DERA: variants seen among roughly 807,000 people sequenced by gnomAD.
DERA encodes deoxyribose-phosphate aldolase.
Under a neutral mutation model 41.1 loss-of-function variants are expected in DERA, and 15 were observed. The ratio of observed to expected loss-of-function variants is 0.37; its 90% CI spans 0.24 to 0.56. The LOEUF (loss-of-function observed/expected upper bound fraction) is 0.56. Ranked by LOEUF, DERA falls within the 20% of genes least tolerant of loss-of-function variation. The pLI is 0.81. For missense variants in DERA, 396 were observed against 403.4 expected (o/e 0.98, Z 0.16); for synonymous variants, 139 against 137.4 (o/e 1.01, Z -0.08).
At chr12:16,006,025 T>G (rs1948908139) in intron 6 of DERA, among the ~76,000 whole-genome samples, 1 of 152,250 alleles carries the variant, frequency 6.6e-6, no homozygotes, top group Admixed American at 6.5e-5. Context: ...TCCTTACACT[T>G]TCATTTAAGC....
intron 4 of DERA, among the ~76,000 whole-genome samples, chr12:15,962,478 A>G (rs1948594243): frequency 6.6e-6 from 1 of 152,244 alleles, no homozygotes; most frequent in Non-Finnish European, 1.5e-5. Flanking sequence ...GGCTACCACT[A>G]CTATTTTATG....
At position 16,010,949 on chromosome 12, in the gene DERA, C is replaced by T. The variant is rs1372926728; in HGVS notation, c.638-21593C>T. 1.3e-5 allele frequency among the ~76,000 whole-genome samples: 2 copies of T among 151,912 alleles called. No individual in the cohort carries two copies. Among genetic ancestry groups the T allele is most frequent in the Admixed American group, 6.6e-5 (1 of 15,264 alleles). On this transcript the variant is annotated intron_variant, in intron 6 of 8. Coordinates refer to ENST00000428559, the MANE Select transcript of DERA (RefSeq NM_015954.4). The surrounding 1 kb of genome is among the most constrained non-coding windows in gnomAD (Gnocchi z 5.5). ...CATTGAGGTATGATAATCTCAAATA[C>T]GTTCTGCATTGTTTTTAAAAGCTTT...
At chr12:15,917,751 G>T (rs1187688135) in intron 1 of DERA, among the ~76,000 whole-genome samples, 12 of 152,178 alleles carry the variant, frequency 7.9e-5, no homozygotes, top group Admixed American at 7.9e-4. Flanking sequence ...ACAGACTGGG[G>T]TAGGGGTGGG....
chr12:15,957,832 CT>C lies in DERA; in HGVS notation c.130-354del, dbSNP rs1565595623. Among the ~76,000 whole-genome samples the C allele has an allele frequency of 6.6e-6, 1 of 152,048 alleles. No homozygotes were observed. The highest frequency in any genetic ancestry group is 1.9e-4 in the East Asian group (1 of 5,192). On this transcript the variant is annotated intron_variant, in intron 2 of 8. Transcript: ENST00000428559. This position sits in a 1 kb window ranked among gnomAD's most constrained non-coding sequence, Gnocchi z 4.8. ...GGGAGGTAAAATGTAAGGTAGAAAC[CT>C]TCTTTCGGAGTTCTTCTTTGTCAGG...
rs1720623266 is a variant in DERA, at chr12:15,938,277, A to T, written c.32-18659A>T. On this transcript the variant is annotated intron_variant, in intron 1 of 8. Transcript: ENST00000428559. This position sits in a 1 kb window ranked among gnomAD's most constrained non-coding sequence, Gnocchi z 4.1. ...TTGACAGCAAAAGGGAGCACTAAAA[A>T]TACTTAAAATTATATAATTAAAAAT... Among the ~76,000 whole-genome samples the T allele has an allele frequency of 6.6e-6, 1 of 152,210 alleles. No individual in the cohort carries two copies. Among genetic ancestry groups the T allele is most frequent in the African/African-American group, 2.4e-5 (1 of 41,454 alleles).
chr12:16,023,733 T>G (rs1259204696), intron 6 of DERA, among the ~76,000 whole-genome samples: 1 of 152,084 alleles, frequency 6.6e-6, no homozygotes, highest in East Asian at 1.9e-4. Context: ...CGCCTCGGCC[T>G]CCCAAAGTGC....
chr12:15,955,013 C>T (rs2136145300), intron 1 of DERA, among the ~76,000 whole-genome samples: 1 of 151,904 alleles, frequency 6.6e-6, no homozygotes, highest in Middle Eastern at 3.4e-3. Context: ...AAAAAAGCCT[C>T]TTAGGGCTGG....
In DERA at chr12:15,911,871, AGTT is replaced by A; in HGVS notation, c.31+460_31+462del. On this transcript the variant is annotated intron_variant, in intron 1 of 8. Transcript: ENST00000428559. The surrounding 1 kb of genome is among the most constrained non-coding windows in gnomAD (Gnocchi z 4.5). ...CTTGAAGTGGCCGTGCTCGTGGAAA[AGTT>A]GTCAGCCGTCTGTGCTCAAAATGTA... 1 of 431,492 alleles carries A rather than the reference AGTT, an allele frequency of 2.3e-6. No homozygotes were observed. The highest frequency in any genetic ancestry group is 1.6e-5 in the South Asian group (1 of 60,830). 26.7% of individuals were successfully genotyped at this position (431,492 alleles called of 1,614,324 possible).
intron 1 of DERA, among the ~76,000 whole-genome samples, chr12:15,953,579 A>G (rs949178391): frequency 4.6e-5 from 7 of 152,218 alleles, no homozygotes; most frequent in Admixed American, 1.3e-4. Flanking sequence ...GGAGAATTTT[A>G]AGAGAAGATA....
At chr12:15,971,685 T>A (rs1454099248) in intron 5 of DERA, among the ~76,000 whole-genome samples, 1 of 151,846 alleles carries the variant, frequency 6.6e-6, no homozygotes, top group Non-Finnish European at 1.5e-5. Context: ...CCCAGCTAAT[T>A]TTTTGTATTT....
chr12:16,024,645 GTA>G (rs1454437414), intron 6 of DERA, among the ~76,000 whole-genome samples: 4 of 152,148 alleles, frequency 2.6e-5, no homozygotes, highest in African/African-American at 9.7e-5. Context: ...GAGAGCCTGT[GTA>G]TTTTAGCTCT....
At chr12:15,945,297 T>C (rs1165760197) in intron 1 of DERA, among the ~76,000 whole-genome samples, 1 of 152,246 alleles carries the variant, frequency 6.6e-6, no homozygotes, top group Non-Finnish European at 1.5e-5. Context: ...GGGGATGGCA[T>C]TGAATCTATA....
In DERA at chr12:16,020,810, C is replaced by G. The variant is rs936680797; in HGVS notation, c.638-11732C>G. Among the ~76,000 whole-genome samples the G allele has an allele frequency of 2.6e-5, 4 of 152,114 alleles. No homozygotes were observed. The highest frequency in any genetic ancestry group is 9.7e-5 in the African/African-American group (4 of 41,400). On this transcript the variant is annotated intron_variant, in intron 6 of 8. Transcript: ENST00000428559. This position sits in a 1 kb window ranked among gnomAD's most constrained non-coding sequence, Gnocchi z 5.5. ...TGTTATGTCCTAGTAAAGAACTTGG[C>G]TGCATTATGTTCATGCCCTAGGGAT... is the stretch of plus-strand genomic sequence containing the variant.
rs1292100629 is a variant in DERA at position 15,990,056 on chromosome 12, A to G, written c.637+7620A>G. ...TGTGAGTGCATCATAAACTGTAAAT[A>G]AAGTACTTTGCAAGTTATTGAAAAA... On this transcript the variant is annotated intron_variant, in intron 6 of 8. Transcript: ENST00000428559. The surrounding 1 kb of genome is among the most constrained non-coding windows in gnomAD (Gnocchi z 4.3). Among the ~76,000 whole-genome samples the G allele has an allele frequency of 2.0e-5, 3 of 152,198 alleles. No individual in the cohort carries two copies. The highest frequency in any genetic ancestry group is 7.2e-5 in the African/African-American group (3 of 41,452).
rs752019774 is a variant in DERA, at chr12:15,931,618, A to T, written c.31+20204A>T. Among the ~76,000 whole-genome samples, 1 of 152,206 alleles carries T rather than the reference A, an allele frequency of 6.6e-6. No homozygotes were observed. The highest frequency in any genetic ancestry group is 2.4e-5 in the African/African-American group (1 of 41,450). ...TTTATGGAGTTATCTTCATGAGAGCATGCTATGGTTTGGATGTGGTTTGTC... is the reference window on the plus strand; with the variant it reads ...TTTATGGAGTTATCTTCATGAGAGCTTGCTATGGTTTGGATGTGGTTTGTC... On this transcript the variant is annotated intron_variant, in intron 1 of 8. Coordinates refer to ENST00000428559, the MANE Select transcript of DERA (RefSeq NM_015954.4). This position sits in a 1 kb window ranked among gnomAD's most constrained non-coding sequence, Gnocchi z 4.6.
At position 15,931,208 on chromosome 12, in the gene DERA, C is replaced by T. The variant is rs1007739076; in HGVS notation, c.31+19794C>T. On this transcript the variant is annotated intron_variant, in intron 1 of 8. Coordinates refer to ENST00000428559, the MANE Select transcript of DERA (RefSeq NM_015954.4). This position sits in a 1 kb window ranked among gnomAD's most constrained non-coding sequence, Gnocchi z 4.6. ...CTAGCACAACATCCAGCATAAATAGCAGCTTTAGGAATAACATTTTCAGTT... is the reference window on the plus strand; with the variant it reads ...CTAGCACAACATCCAGCATAAATAGTAGCTTTAGGAATAACATTTTCAGTT... Among the ~76,000 whole-genome samples, 2 of 152,204 alleles carry T rather than the reference C, an allele frequency of 1.3e-5. No individual in the cohort carries two copies. Among genetic ancestry groups the T allele is most frequent in the Non-Finnish European group, 1.5e-5 (1 of 68,040 alleles).
chr12:15,957,172 C>G lies in DERA; in HGVS notation c.129+139C>G. 1.5e-6 allele frequency: 1 copy of G among 671,486 alleles called. No individual in the cohort carries two copies. The highest frequency in any genetic ancestry group is 2.6e-6 in the Non-Finnish European group (1 of 379,912). 41.6% of individuals were successfully genotyped at this position (671,486 alleles called of 1,614,324 possible). A position where few individuals can be genotyped will look rare whatever the true frequency, so the allele number is the denominator to read the frequency against. ...CTGTCCATGACTTATTTTAATAATT[C>G]ATATATGATGATGATGGGTTGGAGA... On this transcript the variant is annotated intron_variant, in intron 2 of 8. Transcript: ENST00000428559. The surrounding 1 kb of genome is among the most constrained non-coding windows in gnomAD (Gnocchi z 4.8).
chr12:15,926,971 G>A (rs897972187), intron 1 of DERA, among the ~76,000 whole-genome samples: 1 of 152,134 alleles, frequency 6.6e-6, no homozygotes, highest in Admixed American at 6.5e-5. Flanking sequence ...GAGTGTTTTT[G>A]TTTTGTGGTT....
In DERA at chr12:16,013,146, G is replaced by A. The variant is rs137934004; in HGVS notation, c.638-19396G>A. Among the ~76,000 whole-genome samples the A allele has an allele frequency of 1.1e-3, 171 of 152,286 alleles. 2 individuals are homozygous for A. The highest frequency in any genetic ancestry group is 6.8e-3 in the Middle Eastern group (2 of 294). On this transcript the variant is annotated intron_variant, in intron 6 of 8. Coordinates refer to ENST00000428559, the MANE Select transcript of DERA (RefSeq NM_015954.4). This position sits in a 1 kb window ranked among gnomAD's most constrained non-coding sequence, Gnocchi z 5.8. The stretch of plus-strand genomic sequence containing the variant: ...CTTTGGCCAGTGTGAAATTTCCAGT[G>A]TTGATACCAGTCTTTAAAAATCATT...
Sources: gnomAD v4.1 joint callset for allele counts (sites outside exome capture counted in the v4.1 genomes callset) on GRCh38, gnomAD v4.1.1 for gene constraint, Gnocchi (gnomAD v3.1) non-coding constraint, MANE v1.5 for transcripts, NCBI Gene and HGNC (gene_info 2026-07-23, HGNC 2026-07-21) for gene names.